DLG2: variants seen among roughly 807,000 people sequenced by gnomAD.
DLG2 encodes disks large homolog 2.
DLG2 carries 45 observed loss-of-function variants against 132.5 expected under a neutral mutation model. That is an observed-to-expected ratio of 0.34 (90% CI 0.27 to 0.44). DLG2 has a LOEUF of 0.44. Among genes scored for constraint, DLG2 ranks in the 20% least tolerant of loss-of-function variants. DLG2 has a pLI of 1.00. For missense variants in DLG2, 1,045 were observed against 1,196.9 expected, an observed-to-expected ratio of 0.87 and a Z score of 1.87; for synonymous variants, 424 against 419.6, an observed-to-expected ratio of 1.01 and a Z score of -0.13.
intron 7 of DLG2, among the ~76,000 whole-genome samples, chr11:84,370,573 G>A (rs767327545): frequency 3.9e-5 from 6 of 152,146 alleles, no homozygotes; most frequent in Non-Finnish European, 7.4e-5. Context: ...AGTGTGTGGT[G>A]TACAGTAGGG....
rs1477268000 is a variant in DLG2, at chr11:84,499,826, T to C, written c.519+34744A>G. 2.6e-5 allele frequency among the ~76,000 whole-genome samples: 4 copies of C among 152,144 alleles called. 1 individual carries two copies. The highest frequency in any genetic ancestry group is 4.4e-5 in the Non-Finnish European group (3 of 68,028). ...AGATTAAGCACTTAATTTTAAATTATATCTGCTTGTCTGGCATAGGAGGTA... is the reference window on the plus strand; with the variant it reads ...AGATTAAGCACTTAATTTTAAATTACATCTGCTTGTCTGGCATAGGAGGTA... On this transcript the variant is annotated intron_variant, in intron 7 of 27. Transcript: ENST00000376104.
chr11:84,357,274 A>C (rs2098620682), intron 7 of DLG2, among the ~76,000 whole-genome samples: 1 of 152,026 alleles, frequency 6.6e-6, no homozygotes, highest in Admixed American at 6.6e-5. Context: ...AACATGTGAG[A>C]TATACATTAC....
Position 84,059,455 on chromosome 11 carries a change from T to A in DLG2, c.779A>T (p.Glu260Val), listed in dbSNP as rs1381515254. 2 of 1,609,502 alleles carry A rather than the reference T, an allele frequency of 1.2e-6. No individual in the cohort carries two copies. Among genetic ancestry groups the A allele is most frequent in the Admixed American group, 1.7e-5 (1 of 59,250 alleles). Residue 260 changes from glutamate to valine, a missense_variant, in exon 11 of 28, where the codon GAG becomes GTG. Glu to Val is a moderately radical substitution (Grantham distance 121). Around this residue, in one of 4 missense-constraint regions of DLG2, gnomAD observed 109 missense variants for 159.1 expected, o/e 0.69. Transcript: ENST00000376104. ...GTGGGAAACCTCTGACACATCAACC[T>A]CATTCACCCGCAAGATACAATCATT... The part of the protein sequence containing the change: ...RVNDCILRVN[E>V]VDVSEVSHSK...
chr11:84,988,544 A>G (rs1188816622), intron 6 of DLG2, among the ~76,000 whole-genome samples: 2 of 152,246 alleles, frequency 1.3e-5, no homozygotes, highest in East Asian at 3.8e-4. Flanking sequence ...CTCAGCCATA[A>G]AAAGAAATGA....
intron 6 of DLG2, among the ~76,000 whole-genome samples, chr11:84,771,914 A>G (rs1330456632): frequency 6.6e-6 from 1 of 152,186 alleles, no homozygotes; most frequent in African/African-American, 2.4e-5. Flanking sequence ...TAGCATTTCT[A>G]AACACAAATA....
chr11:84,154,823 T>C (rs112649637), intron 9 of DLG2, among the ~76,000 whole-genome samples: 3,646 of 152,272 alleles, frequency 0.024, 145 homozygotes, highest in African/African-American at 0.083. Context: ...ACAAAGGACA[T>C]GAACTCATCC....
At chr11:83,889,438 A>T (rs1378287571) in intron 15 of DLG2, among the ~76,000 whole-genome samples, 1 of 152,124 alleles carries the variant, frequency 6.6e-6, no homozygotes, top group African/African-American at 2.4e-5. Flanking sequence ...AATGCCAATC[A>T]TCAAAAAGTC....
At chr11:85,236,700 GC>G (rs932845792) in intron 4 of DLG2, among the ~76,000 whole-genome samples, 6 of 152,012 alleles carry the variant, frequency 3.9e-5, no homozygotes, top group Non-Finnish European at 7.4e-5. Flanking sequence ...AAATAACTAT[GC>G]AAGATTCTTG....
intron 6 of DLG2, among the ~76,000 whole-genome samples, chr11:84,644,841 T>C (rs956937691): frequency 2.6e-5 from 4 of 152,150 alleles, no homozygotes; most frequent in Non-Finnish European, 5.9e-5. Flanking sequence ...GCCTGAGCGC[T>C]GTGTGGCTGA....
intron 9 of DLG2, among the ~76,000 whole-genome samples, chr11:84,158,196 T>A (rs932168932): frequency 6.6e-6 from 1 of 152,092 alleles, no homozygotes; most frequent in Non-Finnish European, 1.5e-5. Flanking sequence ...CCTGAGTAGC[T>A]GGGACTACAG....
chr11:83,862,470 G>C (rs1428141241), intron 16 of DLG2, among the ~76,000 whole-genome samples: 1 of 152,082 alleles, frequency 6.6e-6, no homozygotes, highest in Non-Finnish European at 1.5e-5. Context: ...GAAATATTGA[G>C]ATGGTTAATG....
intron 2 of DLG2, among the ~76,000 whole-genome samples, chr11:85,623,739 T>C (rs147220711): frequency 6.6e-6 from 1 of 152,288 alleles, no homozygotes; most frequent in Non-Finnish European, 1.5e-5. Flanking sequence ...TACTAGAAAA[T>C]TCTGTTAAAG....
At chr11:85,204,606 T>A (rs1015952169) in intron 4 of DLG2, among the ~76,000 whole-genome samples, 1 of 151,754 alleles carries the variant, frequency 6.6e-6, no homozygotes, top group Non-Finnish European at 1.5e-5. Flanking sequence ...ATATCCATAC[T>A]CCCCAAAGCA....
chr11:85,503,244 A>G (rs2093846584), intron 3 of DLG2, among the ~76,000 whole-genome samples: 1 of 152,118 alleles, frequency 6.6e-6, no homozygotes, highest in African/African-American at 2.4e-5. Context: ...TAAGTTTTAA[A>G]AGACTGAAGG....
At chr11:85,359,844 T>A (rs1565376826) in intron 3 of DLG2, among the ~76,000 whole-genome samples, 1 of 151,920 alleles carries the variant, frequency 6.6e-6, no homozygotes, top group Non-Finnish European at 1.5e-5. Flanking sequence ...GAAGAGGTTC[T>A]CCCCGTCACA....
chr11:85,016,598 C>G (rs2059597116), intron 6 of DLG2, among the ~76,000 whole-genome samples: 1 of 152,134 alleles, frequency 6.6e-6, no homozygotes, highest in Non-Finnish European at 1.5e-5. Context: ...GGAAATGAAG[C>G]TCTGTGGGAA....
intron 6 of DLG2, among the ~76,000 whole-genome samples, chr11:84,569,851 C>G (rs188833059): frequency 6.4e-4 from 98 of 152,268 alleles, no homozygotes; most frequent in Non-Finnish European, 8.8e-4. Flanking sequence ...GCATTTTAGC[C>G]CTTGACTGGA....
chr11:85,057,358 A>G (rs2063560199), intron 6 of DLG2, among the ~76,000 whole-genome samples: 2 of 151,654 alleles, frequency 1.3e-5, no homozygotes, highest in African/African-American at 4.8e-5. Context: ...TAAAAAATAA[A>G]ACATCACTTC....
chr11:85,620,100 T>A lies in DLG2; in HGVS notation c.-93+6487A>T, dbSNP rs577104859. Among the ~76,000 whole-genome samples, 9 of 152,366 alleles carry A rather than the reference T, an allele frequency of 5.9e-5. No homozygotes were observed. In the South Asian group the frequency reaches 1.9e-3, roughly 32 times the overall value. On this transcript the variant is annotated intron_variant, in intron 2 of 27. Transcript: ENST00000376104. ...CCACAGGATATATTCACTTCATGTC[T>A]CTGCGTCACATTTTGGTAATTCTCA...
Sources: gnomAD v4.1 joint callset for allele counts (sites outside exome capture counted in the v4.1 genomes callset) on GRCh38, gnomAD v4.1.1 for gene constraint, gnomAD v4.1.1 regional missense constraint, MANE v1.5 for transcripts, NCBI Gene and HGNC (gene_info 2026-07-23, HGNC 2026-07-21) for gene names.